SNTG1: variants seen among roughly 807,000 people sequenced by gnomAD.
The protein encoded by SNTG1 is syntrophin gamma 1.
In SNTG1, 39 loss-of-function variants were observed where a neutral mutation model predicts 74.7. That is an observed-to-expected ratio of 0.52 (90% CI 0.40 to 0.68). SNTG1 has a LOEUF of 0.68. Among genes scored for constraint, SNTG1 ranks in the 30% least tolerant of loss-of-function variants. SNTG1 has a pLI of 0.00. For synonymous variants in SNTG1, 254 were observed against 217.1 expected (o/e 1.17, Z -1.49); for missense variants, 685 against 609.5 (o/e 1.12, Z -1.30).
At chr8:50,749,736 C>T (rs1483449487) in intron 17 of SNTG1, among the ~76,000 whole-genome samples, 2 of 151,986 alleles carry the variant, frequency 1.3e-5, no homozygotes, top group Non-Finnish European at 2.9e-5. Context: ...CATCTGTTTA[C>T]AGCATGGTTT....
chr8:50,087,015 G>A (rs1055050409), intron 1 of SNTG1, among the ~76,000 whole-genome samples: 3 of 152,128 alleles, frequency 2.0e-5, no homozygotes, highest in Non-Finnish European at 4.4e-5. Context: ...TCTTTTATTT[G>A]TTTCACACAG....
At chr8:50,233,393 A>G (rs1404483296) in intron 2 of SNTG1, among the ~76,000 whole-genome samples, 3 of 151,782 alleles carry the variant, frequency 2.0e-5, no homozygotes, top group Non-Finnish European at 3.0e-5. Context: ...TTCACTCCTC[A>G]TGTAAAAGAA....
In SNTG1 at chr8:50,704,757, G is replaced by T. The variant is rs1402864618; in HGVS notation, c.1191+5G>T. On this transcript the variant is annotated splice_donor_5th_base_variant and intron_variant, in intron 16 of 18. Coordinates refer to ENST00000642720, the MANE Select transcript of SNTG1 (RefSeq NM_018967.5). ...CTAGAAGTAGAACGGATACAGGTGA[G>T]AGTCTGTGGGACTGCAGGATGTGTG... 6.2e-7 allele frequency: 1 copy of T among 1,613,970 alleles called. No homozygotes were observed.
At chr8:50,184,075 G>C (rs1376126067) in intron 2 of SNTG1, among the ~76,000 whole-genome samples, 1 of 152,006 alleles carries the variant, frequency 6.6e-6, no homozygotes. Flanking sequence ...TTCTGAAATT[G>C]TATCTTACTT....
At chr8:50,570,231 A>T (rs956346007) in intron 12 of SNTG1, among the ~76,000 whole-genome samples, 5 of 51,244 alleles carry the variant, frequency 9.8e-5, no homozygotes, top group Admixed American at 4.9e-4. Context: ...TTCTATTTTT[A>T]TTTTATTTTA....
At chr8:50,346,035 A>G (rs2091465070) in intron 2 of SNTG1, among the ~76,000 whole-genome samples, 1 of 152,214 alleles carries the variant, frequency 6.6e-6, no homozygotes, top group South Asian at 2.1e-4. Flanking sequence ...ATTTATTAAC[A>G]TATTATCTGG....
chr8:49,961,129 G>A (rs1810645563), intron 1 of SNTG1, among the ~76,000 whole-genome samples: 1 of 152,040 alleles, frequency 6.6e-6, no homozygotes, highest in African/African-American at 2.4e-5. Context: ...GGTTATGCAG[G>A]GTCACCCTGT....
At chr8:50,202,447 C>G (rs569665717) in intron 2 of SNTG1, among the ~76,000 whole-genome samples, 1 of 152,040 alleles carries the variant, frequency 6.6e-6, no homozygotes, top group African/African-American at 2.4e-5. Flanking sequence ...TGAAAGCATA[C>G]AGTATGTAGT....
intron 3 of SNTG1, among the ~76,000 whole-genome samples, chr8:50,399,151 G>T (rs2092768001): frequency 6.6e-6 from 1 of 151,978 alleles, no homozygotes; most frequent in Non-Finnish European, 1.5e-5. Context: ...TAACTGATCT[G>T]TTTTAGCACT....
At chr8:50,463,058 A>C (rs1377057735) in intron 8 of SNTG1, among the ~76,000 whole-genome samples, 5 of 151,500 alleles carry the variant, frequency 3.3e-5, no homozygotes, top group Admixed American at 6.6e-5. Context: ...CTTGTGATCC[A>C]CCTGCCTTGG....
chr8:50,476,682 TACTA>T (rs1371753415), intron 8 of SNTG1, among the ~76,000 whole-genome samples: 9 of 152,198 alleles, frequency 5.9e-5, no homozygotes, highest in African/African-American at 2.2e-4. Flanking sequence ...TTTATAAACC[TACTA>T]GATTTTTCTT....
At chr8:50,052,728 A>G (rs1300440951) in intron 1 of SNTG1, among the ~76,000 whole-genome samples, 1 of 152,166 alleles carries the variant, frequency 6.6e-6, no homozygotes, top group East Asian at 1.9e-4. Context: ...CAGTAAAAAG[A>G]CAACCCAAAT....
intron 5 of SNTG1, among the ~76,000 whole-genome samples, chr8:50,440,282 TACTC>T (rs2093346450): frequency 6.6e-6 from 1 of 151,976 alleles, no homozygotes; most frequent in African/African-American, 2.4e-5. Flanking sequence ...TTTAGAATAT[TACTC>T]ATTCATCCTA....
At chr8:50,312,772 T>C (rs1159019672) in intron 2 of SNTG1, among the ~76,000 whole-genome samples, 7 of 149,836 alleles carry the variant, frequency 4.7e-5, no homozygotes. Flanking sequence ...CAGGGAACAA[T>C]ACAATTTCAA....
chr8:50,637,305 A>T (rs2095045335), intron 13 of SNTG1, among the ~76,000 whole-genome samples: 1 of 152,134 alleles, frequency 6.6e-6, no homozygotes, highest in Non-Finnish European at 1.5e-5. Flanking sequence ...TGAACTCTTT[A>T]TATAGAGTAG....
intron 2 of SNTG1, among the ~76,000 whole-genome samples, chr8:50,305,905 A>T (rs1420511420): frequency 1.1e-4 from 13 of 122,938 alleles, no homozygotes; most frequent in African/African-American, 4.7e-4. Flanking sequence ...TATTTATTTA[A>T]AAAAAAAAAA....
chr8:50,698,512 G>T (rs1289786315), intron 15 of SNTG1, among the ~76,000 whole-genome samples: 2 of 152,068 alleles, frequency 1.3e-5, no homozygotes, highest in East Asian at 3.9e-4. Flanking sequence ...GGTGAGCCTG[G>T]TTCCAGCATG....
chr8:50,132,974 G>A lies in SNTG1; in HGVS notation c.-102-39587G>A, dbSNP rs555276050. On this transcript the variant is annotated intron_variant, in intron 1 of 18. Coordinates refer to ENST00000642720, the MANE Select transcript of SNTG1 (RefSeq NM_018967.5). Reference sequence around the variant, plus strand: ...CCTGTCCAGTTTCATCCTTGACACCGTCTCCAGGACATAGTATCTTAGTAC... The same window carrying A: ...CCTGTCCAGTTTCATCCTTGACACCATCTCCAGGACATAGTATCTTAGTAC... Among the ~76,000 whole-genome samples, 8 of 152,262 alleles carry A rather than the reference G, an allele frequency of 5.3e-5. No homozygotes were observed. The East Asian group carries it at 5.8e-4, about 11-fold the overall frequency.
chr8:50,007,667 T>C (rs926266135), intron 1 of SNTG1, among the ~76,000 whole-genome samples: 1 of 152,084 alleles, frequency 6.6e-6, no homozygotes, highest in Non-Finnish European at 1.5e-5. Context: ...TTCCATAGGA[T>C]TTCAGAGAAG....
Sources: gnomAD v4.1 joint callset for allele counts (sites outside exome capture counted in the v4.1 genomes callset) on GRCh38, gnomAD v4.1.1 for gene constraint, MANE v1.5 for transcripts, NCBI Gene and HGNC (gene_info 2026-07-23, HGNC 2026-07-21) for gene names.